The following PRKAG3 variants were observed in gnomAD, a reference collection of about 807,000 sequenced individuals.
PRKAG3 encodes the protein protein kinase AMP-activated non-catalytic subunit gamma 3.
PRKAG3 carries 39 observed loss-of-function variants against 56.5 expected under a neutral mutation model. That is an observed-to-expected ratio of 0.69 (90% confidence interval 0.53 to 0.90). The LOEUF is 0.90. PRKAG3 is among the 40% of genes least tolerant of loss of function. PRKAG3 has a pLI of 0.00. For missense variants in PRKAG3, 628 were observed against 627.5 expected, an observed-to-expected ratio of 1.00 and a Z score of -0.01; for synonymous variants, 243 against 250.1, an observed-to-expected ratio of 0.97 and a Z score of 0.27.
chr2:218,831,053 G>A, intron 2 of PRKAG3, 152 bp from the exon 3 acceptor site: 2 of 1,059,800 alleles, frequency 1.9e-6, no homozygotes, highest in Non-Finnish European at 2.8e-6. Flanking sequence ...TTATAAAGCA[G>A]GCATTATTAT....
At chr2:218,824,253 C>G in exon 12 of PRKAG3, 1 of 1,614,134 alleles carries the variant, frequency 6.2e-7, no homozygotes, top group East Asian at 2.2e-5. Context: ...GATCACTTCC[C>G]CCAAGCTCTC....
At chr2:218,830,307 C>T in exon 4 of PRKAG3, 3 of 1,613,090 alleles carry the variant, frequency 1.9e-6, no homozygotes, top group Admixed American at 1.7e-5. Context: ...GCAGGATCAG[C>T]TTGAGCCAAG....
At chr2:218,830,890 G>A in exon 3 of PRKAG3, 1 of 1,613,766 alleles carries the variant, frequency 6.2e-7, no homozygotes. Context: ...TCTTGCTCTA[G>A]GAAGCTCATC....
At chr2:218,831,022 C>A in intron 2 of PRKAG3, 121 bp from the exon 3 acceptor site, 1 of 1,239,616 alleles carries the variant, frequency 8.1e-7, no homozygotes, top group East Asian at 2.3e-5. Flanking sequence ...ACATATTTCT[C>A]ATTTAAAACT....
chr2:218,824,962 G>A (rs969925466), intron 10 of PRKAG3, among the ~76,000 whole-genome samples: 3 of 152,138 alleles, frequency 2.0e-5, no homozygotes, highest in Non-Finnish European at 2.9e-5. Flanking sequence ...ACTCACCCAC[G>A]TCATAACAAT....
intron 10 of PRKAG3, among the ~76,000 whole-genome samples, chr2:218,825,617 T>C (rs114221484): frequency 0.012 from 1,752 of 152,066 alleles, 41 homozygotes; most frequent in African/African-American, 0.039. Context: ...CACTGCACTT[T>C]AGCCTGAGTG....
intron 10 of PRKAG3, 94 bp from the exon 11 acceptor site, chr2:218,824,670 G>T: frequency 1.8e-6 from 2 of 1,120,288 alleles, no homozygotes; most frequent in Non-Finnish European, 2.7e-6. Flanking sequence ...AGGGCTATTT[G>T]CATCAGGGTG....
chr2:218,830,710 T>C, intron 3 of PRKAG3, 36 bp downstream of exon 3: 1 of 1,604,010 alleles, frequency 6.2e-7, no homozygotes, highest in Non-Finnish European at 8.5e-7. Flanking sequence ...CCCACTCCCC[T>C]GGCTCCCACC....
intron 5 of PRKAG3, among the ~76,000 whole-genome samples, 184 bp from the exon 6 acceptor site, chr2:218,828,246 C>G (rs540666112): frequency 1.3e-5 from 2 of 152,214 alleles, no homozygotes; most frequent in Admixed American, 6.5e-5. Context: ...TGCCTCCCCC[C>G]ATTTGCTCCC....
chr2:218,829,918 G>A (rs966830303), intron 4 of PRKAG3, 60 bp downstream of exon 4: 7 of 1,536,264 alleles, frequency 4.6e-6, no homozygotes, highest in Non-Finnish European at 5.2e-6. Context: ...GGTGGGAGTG[G>A]CGGCTGCAGC....
intron 4 of PRKAG3, among the ~76,000 whole-genome samples, chr2:218,829,595 G>C (rs542857399): frequency 6.6e-6 from 1 of 152,006 alleles, no homozygotes; most frequent in Admixed American, 6.6e-5. Flanking sequence ...TAAAGTGCTG[G>C]GATTACAGAC....
chr2:218,827,373 G>T lies in PRKAG3; in HGVS notation c.876C>A (p.Ser292Arg). Residue 292 changes from serine to arginine, a missense_variant and splice_region_variant, in exon 9 of 13, where the codon AGC (serine) becomes AGA (arginine). Ser to Arg is a moderately radical substitution (Grantham distance 110). Coordinates refer to ENST00000529249, the Ensembl canonical transcript of PRKAG3. This position sits in a 1 kb window ranked among gnomAD's most constrained non-coding sequence, Gnocchi z 5.3. The stretch of plus-strand genomic sequence containing the variant: ...TGAGGGTGTAGACAGCTTCAAACAG[G>T]CTGCAGAGATGGGAGCAGTGAGCCT... 6.2e-7 allele frequency: 1 copy of T among 1,614,106 alleles called. No homozygotes were observed. Among genetic ancestry groups the T allele is most frequent in the African/African-American group, 1.3e-5 (1 of 75,046 alleles).
rs997188330 is a variant in PRKAG3, at chr2:218,824,577, C to A, written c.1169-1G>T. On this transcript the variant is annotated splice_acceptor_variant, in intron 10 of 12. Transcript: ENST00000529249. LOFTEE classifies it high-confidence loss of function. Reference sequence around the variant, plus strand: ...CGGGAATAGAGGCCCACGACCTGACCTGCAGAGGGTGGTTGTGGGGGGTGG... The same window carrying A: ...CGGGAATAGAGGCCCACGACCTGACATGCAGAGGGTGGTTGTGGGGGGTGG... The A allele has an allele frequency of 1.1e-5, 18 of 1,611,440 alleles. No homozygotes were observed. The highest frequency in any genetic ancestry group is 1.5e-5 in the Non-Finnish European group (18 of 1,177,564).
Position 218,827,178 on chromosome 2 carries a change from G to A in PRKAG3, c.1002+69C>T. On this transcript the variant is annotated intron_variant, in intron 9 of 12. Coordinates refer to ENST00000529249, the Ensembl canonical transcript of PRKAG3. The surrounding 1 kb of genome is among the most constrained non-coding windows in gnomAD (Gnocchi z 5.3). The stretch of plus-strand genomic sequence containing the variant: ...GCTCTTCCCCACGACTGCTAGGGCT[G>A]AAGACTCCTCAGGCCCTCTGATCAC... 1 of 1,613,300 alleles carries A rather than the reference G, an allele frequency of 6.2e-7. No individual in the cohort carries two copies. The highest frequency in any genetic ancestry group is 8.5e-7 in the Non-Finnish European group (1 of 1,179,720).
At position 218,827,717 on chromosome 2, in the gene PRKAG3, G is replaced by A. The variant is rs984082528; in HGVS notation, c.821-88C>T. On this transcript the variant is annotated intron_variant, in intron 7 of 12. Coordinates refer to ENST00000529249, the Ensembl canonical transcript of PRKAG3. This position sits in a 1 kb window ranked among gnomAD's most constrained non-coding sequence, Gnocchi z 5.3. The stretch of plus-strand genomic sequence containing the variant: ...GCAGCTTCCCTTCCGTCAGGCACCC[G>A]AGGCTCCTATTGTCCCTCCCCTGTT... 23 of 1,565,864 alleles carry A rather than the reference G, an allele frequency of 1.5e-5. No individual in the cohort carries two copies. The highest frequency in any genetic ancestry group is 2.2e-5 in the East Asian group (1 of 44,616).
intron 10 of PRKAG3, 121 bp from the exon 11 acceptor site, chr2:218,824,697 A>G: frequency 2.3e-6 from 2 of 887,282 alleles, no homozygotes; most frequent in Non-Finnish European, 3.8e-6. Context: ...CCAGAACCCA[A>G]GGATCAAACT....
chr2:218,830,857 G>T, exon 3 of PRKAG3: 1 of 1,613,910 alleles, frequency 6.2e-7, no homozygotes, highest in Non-Finnish European at 8.5e-7. Context: ...GTCACAGCTG[G>T]TGATGGCCAT....
chr2:218,822,975 A>C, downstream of PRKAG3: 1 of 985,518 alleles, frequency 1.0e-6, no homozygotes, highest in Non-Finnish European at 1.2e-6. Context: ...AGCTTGACTC[A>C]GCTGTTCTCC....
At chr2:218,826,515 T>G in intron 10 of PRKAG3, 1 of 265,854 alleles carries the variant, frequency 3.8e-6, no homozygotes, top group Non-Finnish European at 7.5e-6. Context: ...GGAGTGTCAC[T>G]GTATGTAAAC....
Sources: allele counts gnomAD v4.1 joint callset (sites outside exome capture counted in the v4.1 genomes callset), GRCh38; gene constraint gnomAD v4.1.1; non-coding constraint Gnocchi (gnomAD v3.1); transcripts MANE v1.5; gene names NCBI Gene and HGNC (gene_info 2026-07-23, HGNC 2026-07-21).